FAM114A1: variants seen among roughly 807,000 people sequenced by gnomAD.
The protein encoded by FAM114A1 is family with sequence similarity 114 member A1.
Under a neutral mutation model 64.3 loss-of-function variants are expected in FAM114A1, and 62 were observed. That is an observed-to-expected ratio of 0.96 (90% CI 0.79 to 1.19). The LOEUF is 1.19. FAM114A1 is among the 50% of genes most tolerant of loss of function. The pLI, the probability that FAM114A1 is intolerant of heterozygous loss-of-function variation, is 0.00. For synonymous variants in FAM114A1, 254 were observed against 251.1 expected, an observed-to-expected ratio of 1.01 and a Z score of -0.11; for missense variants, 645 against 676.3, an observed-to-expected ratio of 0.95 and a Z score of 0.51.
At chr4:38,941,117 A>G in intron 14 of FAM114A1, 96 bp downstream of exon 14, 3 of 1,102,762 alleles carry the variant, frequency 2.7e-6, no homozygotes, top group Non-Finnish European at 4.0e-6. Flanking sequence ...AGCAAATGTT[A>G]TTGCAATTCT....
Position 38,905,602 on chromosome 4 carries a change from G to T in FAM114A1, c.517G>T (p.Ala173Ser), listed in dbSNP as rs372440711. 1 of 1,614,038 alleles carries T rather than the reference G, an allele frequency of 6.2e-7. No homozygotes were observed. Among genetic ancestry groups the T allele is most frequent in the African/African-American group, 1.3e-5 (1 of 74,926 alleles). Residue 173 changes from alanine to serine, a missense_variant, in exon 5 of 15, where the codon GCC becomes TCC. Transcript: ENST00000358869. Reference sequence around the variant, plus strand: ...TGTAAATTCTGGATCTTCTGAAGGAGCCCAACCAAATACTGAAAACGGAGT... The same window carrying T: ...TGTAAATTCTGGATCTTCTGAAGGATCCCAACCAAATACTGAAAACGGAGT... ...HGVNSGSSEG[A>S]QPNTENGVPE...
chr4:38,878,413 A>G lies in FAM114A1; in HGVS notation c.335A>G (p.Glu112Gly). The change falls in exon 3 of 15, where the codon GAA becomes GGA. Residue 112 changes from glutamate (E) to glycine (G), a missense_variant. Physicochemically the swap from Glu to Gly is moderately conservative, Grantham distance 98. Transcript: ENST00000358869. ...AEPRSEIPLQ[E>G]QNYLAVDSPP... ...CCCAGATCCGAAATACCCCTGCAAG[A>G]ACAGAATTATCTGGTAAGAATGGGT... The G allele has an allele frequency of 6.3e-7, 1 of 1,592,932 alleles. No individual in the cohort carries two copies.
intron 7 of FAM114A1, among the ~76,000 whole-genome samples, chr4:38,911,779 C>A (rs529645140): frequency 6.6e-6 from 1 of 150,380 alleles, no homozygotes; most frequent in Non-Finnish European, 1.5e-5. Flanking sequence ...ACATTTCTCA[C>A]GTATTTTTAT....
intron 4 of FAM114A1, among the ~76,000 whole-genome samples, chr4:38,904,345 G>T (rs1286071825): frequency 6.6e-6 from 1 of 152,156 alleles, no homozygotes; most frequent in Non-Finnish European, 1.5e-5. Context: ...GGCCTCAAAG[G>T]GAGGAAAATC....
intron 12 of FAM114A1, among the ~76,000 whole-genome samples, chr4:38,932,695 C>T (rs1212904418): frequency 6.6e-6 from 1 of 151,584 alleles, no homozygotes; most frequent in Non-Finnish European, 1.5e-5. Flanking sequence ...CCAGGCCTGG[C>T]CACGTTGCCC....
At chr4:38,910,004 G>A (rs1012544435) in intron 7 of FAM114A1, among the ~76,000 whole-genome samples, 20 of 152,042 alleles carry the variant, frequency 1.3e-4, no homozygotes, top group Admixed American at 6.6e-5. Context: ...AGGCCGAGGC[G>A]GGCAGATCAC....
intron 7 of FAM114A1, chr4:38,914,469 G>A (rs1276268991): frequency 2.6e-5 from 4 of 153,266 alleles, no homozygotes; most frequent in African/African-American, 9.7e-5. Context: ...AGGAGGCTGA[G>A]GCAGGAGAAT....
chr4:38,931,521 C>T lies in FAM114A1; in HGVS notation c.1232C>T (p.Ser411Phe), dbSNP rs1165335401. 1.9e-6 allele frequency: 3 copies of T among 1,613,596 alleles called. No homozygotes were observed. The highest frequency in any genetic ancestry group is 2.5e-6 in the Non-Finnish European group (3 of 1,179,928). ...GTGTCAGTAGATGTGGCAAAAGTGT[C>T]CGAAGAAGAAACAAAGAAGGAAGAA... ...TVVSVDVAKV[S>F]EEETKKEEKE... Residue 411 changes from serine (S) to phenylalanine (F), a missense_variant, in exon 11 of 15, where the codon TCC (serine) becomes TTC (phenylalanine). By Grantham distance (155) the Ser-to-Phe change is radical. Transcript: ENST00000358869.
chr4:38,900,379 C>A (rs1717402013), intron 4 of FAM114A1, among the ~76,000 whole-genome samples: 1 of 152,020 alleles, frequency 6.6e-6, no homozygotes, highest in African/African-American at 2.4e-5. Flanking sequence ...TATGATCCAC[C>A]AATTCCACTT....
chr4:38,894,680 A>G (rs1716742414), intron 4 of FAM114A1, among the ~76,000 whole-genome samples: 1 of 152,166 alleles, frequency 6.6e-6, no homozygotes, highest in East Asian at 1.9e-4. Context: ...AAAACTTGCC[A>G]CTTTTCTTCT....
At chr4:38,909,513 A>T (rs928197771) in intron 7 of FAM114A1, among the ~76,000 whole-genome samples, 10 of 152,126 alleles carry the variant, frequency 6.6e-5, no homozygotes, top group African/African-American at 2.4e-4. Flanking sequence ...GTCTTTGCTT[A>T]CTTACAATAG....
In FAM114A1 at chr4:38,935,809, A is replaced by T. The variant is rs1421623515; in HGVS notation, c.1536+19A>T. On this transcript the variant is annotated intron_variant, in intron 13 of 14. Transcript: ENST00000358869. The stretch of plus-strand genomic sequence containing the variant: ...TGTTGGGGTAAGATTACAGTCTTGA[A>T]TTTTTTTCACCTTTTTTAAGGGAAG... The T allele has an allele frequency of 9.6e-6, 15 of 1,564,688 alleles. No homozygotes were observed. The highest frequency in any genetic ancestry group is 1.8e-5 in the Admixed American group (1 of 55,930).
At chr4:38,916,774 G>A (rs1312594663) in intron 8 of FAM114A1, among the ~76,000 whole-genome samples, 4 of 152,044 alleles carry the variant, frequency 2.6e-5, no homozygotes, top group Admixed American at 6.6e-5. Context: ...AAACCTTCAC[G>A]TTCTGCACAT....
intron 4 of FAM114A1, among the ~76,000 whole-genome samples, chr4:38,903,263 T>A (rs2109664143): frequency 6.6e-6 from 1 of 152,342 alleles, no homozygotes; most frequent in Admixed American, 6.5e-5. Flanking sequence ...TGTGATCGTT[T>A]ATGTTCTGAG....
At chr4:38,907,432 G>C (rs1442975140) in intron 6 of FAM114A1, among the ~76,000 whole-genome samples, 1 of 152,106 alleles carries the variant, frequency 6.6e-6, no homozygotes, top group African/African-American at 2.4e-5. Flanking sequence ...ACCCCTCCAA[G>C]TCTATCCTTA....
intron 7 of FAM114A1, among the ~76,000 whole-genome samples, chr4:38,909,442 C>G (rs1189896268): frequency 2.0e-5 from 3 of 152,230 alleles, no homozygotes; most frequent in African/African-American, 7.2e-5. Flanking sequence ...TCTCCTCTCA[C>G]ACTTCCAGCA....
chr4:38,908,217 G>T (rs1165193985), intron 6 of FAM114A1, among the ~76,000 whole-genome samples: 1 of 152,084 alleles, frequency 6.6e-6, no homozygotes, highest in East Asian at 1.9e-4. Flanking sequence ...AACAGAAACA[G>T]CAATTTATTT....
chr4:38,898,283 CT>C (rs1452198650), intron 4 of FAM114A1, among the ~76,000 whole-genome samples: 7 of 152,124 alleles, frequency 4.6e-5, no homozygotes, highest in African/African-American at 1.7e-4. Context: ...TGTATATTTA[CT>C]TTTTCCAAAA....
At chr4:38,902,560 A>G (rs115605627) in intron 4 of FAM114A1, among the ~76,000 whole-genome samples, 2,400 of 152,286 alleles carry the variant, frequency 0.016, 78 homozygotes, top group African/African-American at 0.054. Flanking sequence ...CCAGCCAATC[A>G]TTCAGCATTT....
Sources: gnomAD v4.1 joint callset for allele counts (sites outside exome capture counted in the v4.1 genomes callset) on GRCh38, gnomAD v4.1.1 for gene constraint, MANE v1.5 for transcripts, NCBI Gene and HGNC (gene_info 2026-07-23, HGNC 2026-07-21) for gene names.